TMEM18: variants seen among roughly 807,000 people sequenced by gnomAD.
The protein encoded by TMEM18 is transmembrane protein 18.
In TMEM18, 14 loss-of-function variants were observed where a neutral mutation model predicts 17.4. The ratio of observed to expected loss-of-function variants is 0.80; its 90% CI spans 0.53 to 1.25. The LOEUF (loss-of-function observed/expected upper bound fraction) is 1.25, where lower values mean the gene tolerates loss of function less well. Among genes scored for constraint, TMEM18 ranks in the 50% most tolerant of loss-of-function variants. The probability of loss-of-function intolerance (pLI) is 0.00; values close to 1 mark genes in which losing one functional copy is unlikely to be tolerated. For synonymous variants in TMEM18, 86 were observed against 66.1 expected, an observed-to-expected ratio of 1.30 and a Z score of -1.46; for missense variants, 187 against 172.1, an observed-to-expected ratio of 1.09 and a Z score of -0.48.
At chr2:672,780 C>G (rs200258865) in intron 3 of TMEM18, 28 bp downstream of exon 3, 7 of 1,449,602 alleles carry the variant, frequency 4.8e-6, no homozygotes, top group Non-Finnish European at 6.4e-6. Context: ...CTGCAGGGAC[C>G]TGGTCACAGG....
chr2:666,434 T>A lies in TMEM18; in HGVS notation c.*3146A>T, dbSNP rs1678691413. On this transcript the variant is annotated 3_prime_UTR_variant, in exon 5 of 5. Transcript: ENST00000281017. ...CACCTTCCCCCAAAGCGAGGAAAGATCTAACTGTACAGGCCGCTGTGAAAC... is the reference window on the plus strand; with the variant it reads ...CACCTTCCCCCAAAGCGAGGAAAGAACTAACTGTACAGGCCGCTGTGAAAC... 6.6e-6 allele frequency among the ~76,000 whole-genome samples: 1 copy of A among 152,062 alleles called. No individual in the cohort carries two copies. Among genetic ancestry groups the A allele is most frequent in the Non-Finnish European group, 1.5e-5 (1 of 68,004 alleles).
intron 1 of TMEM18, chr2:675,876 A>G: frequency 1.3e-6 from 2 of 1,488,598 alleles, no homozygotes; most frequent in Non-Finnish European, 1.8e-6. Flanking sequence ...ATGGAATTCA[A>G]AGTTCAAGCA....
In TMEM18 at chr2:669,636, GGTCA is replaced by G; in HGVS notation, c.363_366del (p.Asp122Ter). 1 of 1,614,098 alleles carries G rather than the reference GGTCA, an allele frequency of 6.2e-7. No homozygotes were observed. Among genetic ancestry groups the G allele is most frequent in the South Asian group, 1.1e-5 (1 of 91,078 alleles). ...TTTCTTCTCTCTTGTGCATTCTTCA[GGTCA>G]GTCATCACATTCAAAGTCTTCCATA... On this transcript the variant is annotated frameshift_variant, in exon 5 of 5. Coordinates refer to ENST00000281017, the MANE Select transcript of TMEM18 (RefSeq NM_152834.4). LOFTEE classifies it low-confidence loss of function (END_TRUNC).
chr2:676,316 A>G (rs1572414612), intron 1 of TMEM18: 1 of 1,485,314 alleles, frequency 6.7e-7, no homozygotes, highest in South Asian at 1.2e-5. Context: ...CCTGATGCTC[A>G]GATGCCAATC....
At chr2:676,840 G>A (rs1185509572) in intron 1 of TMEM18, 2 of 611,586 alleles carry the variant, frequency 3.3e-6, no homozygotes, top group Non-Finnish European at 5.7e-6. Context: ...GGACTGGCCG[G>A]CGTGCACCTC....
At chr2:672,997 A>C (rs1678895555) in intron 2 of TMEM18, 135 bp from the exon 3 acceptor site, 2 of 851,506 alleles carry the variant, frequency 2.3e-6, no homozygotes, top group Admixed American at 4.1e-5. Context: ...TAAACATCCT[A>C]ACATTGTCAA....
chr2:675,414 T>TA, intron 2 of TMEM18, 96 bp downstream of exon 2: 1 of 1,563,922 alleles, frequency 6.4e-7, no homozygotes, highest in Non-Finnish European at 8.7e-7. Context: ...GGAGGTCTTG[T>TA]AAAAATATGT....
intron 3 of TMEM18, among the ~76,000 whole-genome samples, chr2:672,564 C>T (rs1030944099): frequency 6.6e-6 from 1 of 152,280 alleles, no homozygotes; most frequent in African/African-American, 2.4e-5. Flanking sequence ...ACTTCTCTGG[C>T]TCTGCCATCA....
rs377589895 is a variant in TMEM18, at chr2:664,998, G to A, written c.*4582C>T. Among the ~76,000 whole-genome samples the A allele has an allele frequency of 3.3e-5, 5 of 152,298 alleles. No individual in the cohort carries two copies. The highest frequency in any genetic ancestry group is 4.1e-4 in the South Asian group (2 of 4,830). ...ATAGAAGATAGACTTACAGAAAAAA[G>A]GGGCAGCAAATTGACACTTAACAAT... On this transcript the variant is annotated 3_prime_UTR_variant, in exon 5 of 5. Coordinates refer to ENST00000281017, the MANE Select transcript of TMEM18 (RefSeq NM_152834.4).
intron 1 of TMEM18, chr2:676,299 G>A: frequency 1.4e-6 from 2 of 1,481,120 alleles, no homozygotes; most frequent in East Asian, 2.7e-5. Flanking sequence ...CTGCTGCTCA[G>A]TCCCCACCTG....
At chr2:672,778 AC>A (rs975443756) in intron 3 of TMEM18, 29 bp downstream of exon 3, 12 of 1,445,872 alleles carry the variant, frequency 8.3e-6, no homozygotes, top group Non-Finnish European at 1.1e-5. Context: ...CCCTGCAGGG[AC>A]CTGGTCACAG....
Position 677,310 on chromosome 2 carries a change from G to T in TMEM18, c.36C>A (p.Val12=). Residue 12 remains valine, a synonymous_variant, in exon 1 of 5, where the codon GTC becomes GTA. Transcript: ENST00000281017. ...TTACCGTGAGCACGGCTGGGATGCTGACGGGGAAAGAGCTGACAGAGAAGG... is the reference window on the plus strand; with the variant it reads ...TTACCGTGAGCACGGCTGGGATGCTTACGGGGAAAGAGCTGACAGAGAAGG... ...PSAFSVSSFP[V]SIPAVLTQTD... is the part of the protein sequence containing the mutation. 6.2e-7 allele frequency: 1 copy of T among 1,612,390 alleles called. No homozygotes were observed.
At chr2:676,886 C>A in intron 1 of TMEM18, 1 of 580,682 alleles carries the variant, frequency 1.7e-6, no homozygotes, top group Non-Finnish European at 3.1e-6. Flanking sequence ...GCGCTCCGCC[C>A]ACACAACTCA....
In TMEM18 at chr2:666,803, G is replaced by T. The variant is rs933330927; in HGVS notation, c.*2777C>A. 6.6e-5 allele frequency among the ~76,000 whole-genome samples: 10 copies of T among 152,148 alleles called. No individual in the cohort carries two copies. The highest frequency in any genetic ancestry group is 2.4e-4 in the African/African-American group (10 of 41,412). On this transcript the variant is annotated 3_prime_UTR_variant, in exon 5 of 5. Coordinates refer to ENST00000281017, the MANE Select transcript of TMEM18 (RefSeq NM_152834.4). ...GCAAGAGGGGCTTCAGTAAAGAGGG[G>T]AAGGCTGCACTGAAAACATGTTCTG...
In TMEM18 at chr2:669,520, A is replaced by AGCACTGGGAGCT. The variant is rs968705977; in HGVS notation, c.*48_*59dup. On this transcript the variant is annotated 3_prime_UTR_variant, in exon 5 of 5. Coordinates refer to ENST00000281017, the MANE Select transcript of TMEM18 (RefSeq NM_152834.4). ...AGGATGCCCACGCCACGCACACTGC[A>AGCACTGGGAGCT]GCACTGGGAGCTGCACTGGGTGGAC... 4 of 1,546,926 alleles carry AGCACTGGGAGCT rather than the reference A, an allele frequency of 2.6e-6. No homozygotes were observed. The highest frequency in any genetic ancestry group is 3.6e-6 in the Non-Finnish European group (4 of 1,122,310).
chr2:677,262 C>T, intron 1 of TMEM18, 27 bp downstream of exon 1: 1 of 1,605,456 alleles, frequency 6.2e-7, no homozygotes, highest in African/African-American at 1.3e-5. Flanking sequence ...CTCCCCCGAA[C>T]TGGTGGTTAC....
At chr2:676,338 C>T (rs1659211694) in intron 1 of TMEM18, 2 of 1,467,116 alleles carry the variant, frequency 1.4e-6, no homozygotes, top group East Asian at 5.1e-5. Flanking sequence ...CAGCAGTCCT[C>T]AACCCTCCCC....
At chr2:674,688 A>C (rs1179908830) in intron 2 of TMEM18, among the ~76,000 whole-genome samples, 5 of 152,190 alleles carry the variant, frequency 3.3e-5, no homozygotes, top group Non-Finnish European at 5.9e-5. Context: ...TCTTCTTCAG[A>C]TTTCCCGCTT....
Position 667,711 on chromosome 2 carries a change from G to A in TMEM18, c.*1869C>T, listed in dbSNP as rs1381600000. 1 of 152,190 alleles carries A rather than the reference G, an allele frequency of 6.6e-6. No homozygotes were observed. The highest frequency in any genetic ancestry group is 2.4e-5 in the African/African-American group (1 of 41,454). 9.4% of individuals were successfully genotyped at this position (152,190 alleles called of 1,614,324 possible). A position where few individuals can be genotyped will look rare whatever the true frequency, so the allele number is the denominator to read the frequency against. On this transcript the variant is annotated 3_prime_UTR_variant, in exon 5 of 5. Transcript: ENST00000281017. ...ACTACACAGTTAAAAATAAAGTGAA[G>A]GTTGTTTTTACAAAACCAAAATATA...
Sources: allele counts gnomAD v4.1 joint callset (sites outside exome capture counted in the v4.1 genomes callset), GRCh38; gene constraint gnomAD v4.1.1; transcripts MANE v1.5; gene names NCBI Gene and HGNC (gene_info 2026-07-23, HGNC 2026-07-21).